The following CDH3 variants were observed in gnomAD, a reference collection of about 807,000 sequenced individuals.
CDH3 encodes cadherin-3.
CDH3 carries 54 observed loss-of-function variants against 82.0 expected under a neutral mutation model. The ratio of observed to expected loss-of-function variants is 0.66; its 90% confidence interval spans 0.53 to 0.83. The LOEUF (loss-of-function observed/expected upper bound fraction) is 0.83. Among genes scored for constraint, CDH3 ranks in the 40% least tolerant of loss-of-function variants. CDH3 has a pLI of 0.00. For synonymous variants in CDH3, 446 were observed against 437.9 expected, an observed-to-expected ratio of 1.02 and a Z score of -0.23; for missense variants, 1,054 against 1,084.6, an observed-to-expected ratio of 0.97 and a Z score of 0.40.
chr16:68,728,239 C>T (rs1962239590), downstream of CDH3, among the ~76,000 whole-genome samples: 1 of 152,128 alleles, frequency 6.6e-6, no homozygotes, highest in Non-Finnish European at 1.5e-5. Flanking sequence ...GATCTCGGCT[C>T]ACTGCAAGCT....
downstream of CDH3, among the ~76,000 whole-genome samples, chr16:68,703,041 C>CCT (rs1961916166): frequency 1.3e-5 from 2 of 152,204 alleles, no homozygotes; most frequent in Non-Finnish European, 2.9e-5. Context: ...CAAAAGATGG[C>CCT]ACTCCCTATG....
chr16:68,658,750 G>A (rs1026823197), intron 2 of CDH3, among the ~76,000 whole-genome samples: 1 of 152,062 alleles, frequency 6.6e-6, no homozygotes, highest in African/African-American at 2.4e-5. Context: ...TGTCTTTTAT[G>A]GTCTTTTTCC....
chr16:68,648,401 G>A (rs1185976877), intron 2 of CDH3, among the ~76,000 whole-genome samples: 1 of 151,714 alleles, frequency 6.6e-6, no homozygotes, highest in Non-Finnish European at 1.5e-5. Context: ...CATCACTGCA[G>A]TGATCAGCTG....
At chr16:68,719,622 G>A (rs1962139763) in intron 1 of CDH3, among the ~76,000 whole-genome samples, 1 of 145,198 alleles carries the variant, frequency 6.9e-6, no homozygotes, top group Admixed American at 7.4e-5. Context: ...AAATTCTCCT[G>A]CCTCAGCCTC....
chr16:68,727,742 G>A (rs190093263), downstream of CDH3, among the ~76,000 whole-genome samples: 3 of 152,024 alleles, frequency 2.0e-5, no homozygotes, highest in African/African-American at 7.2e-5. Context: ...AACCCCATCT[G>A]TACTAAAAAT....
intron 2 of CDH3, among the ~76,000 whole-genome samples, chr16:68,661,310 C>T (rs1355545279): frequency 6.6e-6 from 1 of 152,188 alleles, no homozygotes; most frequent in East Asian, 1.9e-4. Flanking sequence ...TGTCCACTTA[C>T]TACTTGTGGA....
At chr16:68,658,980 A>G (rs762434253) in intron 2 of CDH3, among the ~76,000 whole-genome samples, 17 of 152,162 alleles carry the variant, frequency 1.1e-4, no homozygotes, top group Non-Finnish European at 2.1e-4. Flanking sequence ...TAATACATGA[A>G]AATATGTTCA....
chr16:68,722,787 T>G (rs1367767414), intron 2 of CDH3, among the ~76,000 whole-genome samples: 2 of 151,724 alleles, frequency 1.3e-5, no homozygotes, highest in Non-Finnish European at 1.5e-5. Flanking sequence ...AACACAGATT[T>G]ATTTATTTAT....
chr16:68,727,730 G>T (rs754802339), downstream of CDH3, among the ~76,000 whole-genome samples: 4 of 152,046 alleles, frequency 2.6e-5, no homozygotes, highest in Non-Finnish European at 4.4e-5. Context: ...CCAACATGGT[G>T]AAACCCCATC....
Position 68,678,796 on chromosome 16 carries a change from C to T in CDH3, c.581C>T (p.Ser194Leu). Residue 194 changes from serine to leucine, a missense_variant, in exon 6 of 16, where the codon TCA becomes TTA. By Grantham distance (145) the Ser-to-Leu change is moderately radical (BLOSUM62 -2). Coordinates refer to ENST00000264012, the MANE Select transcript of CDH3 (RefSeq NM_001793.6). ...CACGCTGTGTCAGAGAATGGTGCCT[C>T]AGTGGAGGACCCCATGAACATCTCC... Reference protein sequence around the residue: ...FGHAVSENGASVEDPMNISII... With the variant: ...FGHAVSENGALVEDPMNISII... 1 of 1,614,160 alleles carries T rather than the reference C, an allele frequency of 6.2e-7. No individual in the cohort carries two copies. The highest frequency in any genetic ancestry group is 8.5e-7 in the Non-Finnish European group (1 of 1,180,020).
intron 2 of CDH3, among the ~76,000 whole-genome samples, chr16:68,672,255 A>G (rs1425753707): frequency 5.0e-5 from 3 of 59,882 alleles, no homozygotes; most frequent in African/African-American, 2.1e-4. Context: ...GATGACCTTC[A>G]TCATTGGGAA....
Position 68,682,391 on chromosome 16 carries a change from G to T in CDH3, c.1086G>T (p.Trp362Cys). Reference protein sequence around the residue: ...TDLDAPNSPAWRATYLIMGGD... With the variant: ...TDLDAPNSPACRATYLIMGGD... ...TGGACGCCCCCAACTCACCAGCGTG[G>T]CGTGCCACCTACCTTATCATGGGCG... Residue 362 changes from tryptophan (W) to cysteine (C), a missense_variant, in exon 9 of 16, where the codon TGG (tryptophan) becomes TGT (cysteine). By Grantham distance (215) the Trp-to-Cys change is radical (BLOSUM62 -2). Transcript: ENST00000264012. 6.2e-7 allele frequency: 1 copy of T among 1,614,084 alleles called. No individual in the cohort carries two copies. Among genetic ancestry groups the T allele is most frequent in the Non-Finnish European group, 8.5e-7 (1 of 1,180,032 alleles).
At position 68,698,666 on chromosome 16, in the gene CDH3, C is replaced by A. The variant is rs1400172851; in HGVS notation, c.*266C>A. The A allele has an allele frequency of 3.8e-6, 2 of 531,084 alleles. No homozygotes were observed. Among genetic ancestry groups the A allele is most frequent in the Non-Finnish European group, 6.8e-6 (2 of 295,470 alleles). 32.9% of individuals were successfully genotyped at this position (531,084 alleles called of 1,614,324 possible). ...AGGCCAAGTTTCCAGAAGCCTCTTA[C>A]CTGCCGTAAAATGCTCAACCCTGTG... On this transcript the variant is annotated 3_prime_UTR_variant, in exon 16 of 16. Transcript: ENST00000264012.
At chr16:68,652,206 G>A (rs1208140393) in intron 2 of CDH3, among the ~76,000 whole-genome samples, 2 of 152,156 alleles carry the variant, frequency 1.3e-5, no homozygotes, top group African/African-American at 4.8e-5. Flanking sequence ...GAGTGAATGG[G>A]AACTGGACCT....
At chr16:68,724,629 TA>T (rs11322339) in intron 2 of CDH3, among the ~76,000 whole-genome samples, 116,939 of 146,584 alleles carry the variant, frequency 0.8, 46,871 homozygotes, top group Non-Finnish European at 0.87. Context: ...CCCTATTATT[TA>T]AAAAAAAAAA....
At chr16:68,683,565 T>TGGC (rs1961290323) in intron 9 of CDH3, among the ~76,000 whole-genome samples, 1 of 134,398 alleles carries the variant, frequency 7.4e-6, no homozygotes, top group Admixed American at 8.8e-5. Context: ...GGCAGGAGAA[T>TGGC]GGCGTGAACC....
At chr16:68,657,729 CTT>C (rs1054548292) in intron 2 of CDH3, among the ~76,000 whole-genome samples, 3 of 152,204 alleles carry the variant, frequency 2.0e-5, no homozygotes, top group African/African-American at 7.2e-5. Context: ...TCTGAGGCAT[CTT>C]AGGGCTAAAT....
intron 4 of CDH3, 91 bp from the exon 5 acceptor site, chr16:68,678,410 C>T (rs1961097189): frequency 1.9e-6 from 3 of 1,584,334 alleles, no homozygotes; most frequent in South Asian, 1.1e-5. Context: ...AGCAGATTCT[C>T]CTATGGCAGT....
intron 1 of CDH3, among the ~76,000 whole-genome samples, chr16:68,719,701 A>G (rs977324607): frequency 2.6e-5 from 4 of 151,884 alleles, no homozygotes; most frequent in Admixed American, 2.6e-4. Context: ...GGGTTTCACC[A>G]TATTGGCCAG....
Sources: gnomAD v4.1 joint callset for allele counts (sites outside exome capture counted in the v4.1 genomes callset) on GRCh38, gnomAD v4.1.1 for gene constraint, MANE v1.5 for transcripts, NCBI Gene and HGNC (gene_info 2026-07-23, HGNC 2026-07-21) for gene names.